The following ANKH variants were observed in gnomAD, a reference collection of about 807,000 sequenced individuals.
ANKH encodes mineralization regulator ANKH.
Under a neutral mutation model 49.0 loss-of-function variants are expected in ANKH, and 15 were observed. The ratio of observed to expected loss-of-function variants is 0.31; its 90% confidence interval spans 0.20 to 0.47. ANKH has a LOEUF of 0.47. Ranked by LOEUF, ANKH falls within the 20% of genes least tolerant of loss-of-function variation. The pLI is 1.00. For missense variants in ANKH, 429 were observed against 652.0 expected (o/e 0.66, Z 3.72); for synonymous variants, 273 against 260.0 (o/e 1.05, Z -0.48).
chr5:14,817,881 C>T (rs897765961), intron 1 of ANKH, among the ~76,000 whole-genome samples: 3 of 151,890 alleles, frequency 2.0e-5, no homozygotes, highest in Admixed American at 6.6e-5. Flanking sequence ...TTGGTCAACA[C>T]GGTAAAACCC....
In ANKH at chr5:14,847,428, C is replaced by T. The variant is rs181776353; in HGVS notation, c.96+23924G>A. On this transcript the variant is annotated intron_variant, in intron 1 of 11. Transcript: ENST00000284268. The stretch of plus-strand genomic sequence containing the variant: ...GAGAAAGGTTCCACTCGGAAATCGC[C>T]GGAACCTGCATGTTGCAGCAAAGAC... 2.3e-3 allele frequency among the ~76,000 whole-genome samples: 353 copies of T among 152,260 alleles called. 2 individuals are homozygous for T. The highest frequency in any genetic ancestry group is 8.1e-3 in the African/African-American group (337 of 41,546).
intron 8 of ANKH, 67 bp from the exon 9 acceptor site, chr5:14,716,902 G>A (rs1737487505): frequency 3.8e-6 from 6 of 1,590,672 alleles, no homozygotes; most frequent in Non-Finnish European, 5.2e-6. Flanking sequence ...AGCAGATCAG[G>A]TGTGGCACAA....
At chr5:14,832,789 A>T (rs1741541216) in intron 1 of ANKH, among the ~76,000 whole-genome samples, 1 of 152,244 alleles carries the variant, frequency 6.6e-6, no homozygotes, top group Admixed American at 6.5e-5. Context: ...AACAAGATTC[A>T]CAATGGGGAG....
At chr5:14,734,241 C>T (rs1260189479) in intron 8 of ANKH, among the ~76,000 whole-genome samples, 1 of 150,702 alleles carries the variant, frequency 6.6e-6, no homozygotes, top group Non-Finnish European at 1.5e-5. Context: ...TCATTTTTCC[C>T]CCCAAACCAC....
At chr5:14,746,340 G>C (rs1738542412) in intron 6 of ANKH, among the ~76,000 whole-genome samples, 1 of 149,970 alleles carries the variant, frequency 6.7e-6, no homozygotes. Flanking sequence ...AGGGAGACCA[G>C]AGTTTATTAT....
At chr5:14,808,679 A>G (rs556671068) in intron 1 of ANKH, among the ~76,000 whole-genome samples, 4 of 151,098 alleles carry the variant, frequency 2.6e-5, no homozygotes, top group South Asian at 2.1e-4. Flanking sequence ...AAAAGTTAGG[A>G]AACAACAGGT....
intron 1 of ANKH, among the ~76,000 whole-genome samples, chr5:14,808,490 T>C (rs1204500045): frequency 2.0e-5 from 3 of 152,260 alleles, no homozygotes; most frequent in African/African-American, 7.2e-5. Context: ...AAAGGCCAGG[T>C]GCAGTGGCTC....
chr5:14,841,430 G>A (rs539904575), intron 1 of ANKH, among the ~76,000 whole-genome samples: 23 of 152,110 alleles, frequency 1.5e-4, no homozygotes, highest in Middle Eastern at 3.4e-3. Context: ...CCAAGTAGCT[G>A]GGATTACAGG....
chr5:14,724,838 C>T (rs963829594), intron 8 of ANKH, among the ~76,000 whole-genome samples: 4 of 152,298 alleles, frequency 2.6e-5, no homozygotes, highest in Non-Finnish European at 4.4e-5. Flanking sequence ...AGGGCACTGC[C>T]AAGTGCTCGG....
At chr5:14,840,448 A>G (rs1044748847) in intron 1 of ANKH, among the ~76,000 whole-genome samples, 1 of 152,216 alleles carries the variant, frequency 6.6e-6, no homozygotes, top group African/African-American at 2.4e-5. Context: ...AAATAAAAAA[A>G]CACACATTAT....
chr5:14,721,050 A>G (rs757909258), intron 8 of ANKH, among the ~76,000 whole-genome samples: 16 of 152,206 alleles, frequency 1.1e-4, no homozygotes, highest in Admixed American at 6.5e-5. Context: ...GTGGGGGGTC[A>G]GCTTGAGGAC....
chr5:14,796,137 T>A (rs963026476), intron 1 of ANKH, among the ~76,000 whole-genome samples: 1 of 152,054 alleles, frequency 6.6e-6, no homozygotes, highest in African/African-American at 2.4e-5. Flanking sequence ...CTTGTTTTAT[T>A]GAGCTTCATT....
intron 1 of ANKH, among the ~76,000 whole-genome samples, chr5:14,833,524 T>A (rs1207301066): frequency 6.6e-6 from 1 of 152,204 alleles, no homozygotes; most frequent in African/African-American, 2.4e-5. Context: ...CCTCCCCCAG[T>A]CTGGGTATAT....
chr5:14,836,889 C>G lies in ANKH; in HGVS notation c.96+34463G>C, dbSNP rs568300230. Among the ~76,000 whole-genome samples the G allele has an allele frequency of 5.6e-3, 846 of 152,256 alleles. 8 individuals carry two copies. The highest frequency in any genetic ancestry group is 0.019 in the African/African-American group (788 of 41,538). On this transcript the variant is annotated intron_variant, in intron 1 of 11. Coordinates refer to ENST00000284268, the MANE Select transcript of ANKH (RefSeq NM_054027.6). ...AACTATACTACAAGGCTACAGTAAC[C>G]AAAACAGCATGATACTGGTACCAAA...
At chr5:14,762,904 A>G (rs966006033) in intron 2 of ANKH, among the ~76,000 whole-genome samples, 1 of 152,250 alleles carries the variant, frequency 6.6e-6, no homozygotes, top group Non-Finnish European at 1.5e-5. Context: ...AAAAAAAATT[A>G]AACAAGGTTT....
chr5:14,743,912 T>C (rs1738445752), intron 7 of ANKH, among the ~76,000 whole-genome samples: 1 of 152,250 alleles, frequency 6.6e-6, no homozygotes, highest in African/African-American at 2.4e-5. Flanking sequence ...TTAAATTTTA[T>C]GATTTCAAGG....
At chr5:14,821,495 G>A (rs140411306) in intron 1 of ANKH, among the ~76,000 whole-genome samples, 22 of 152,288 alleles carry the variant, frequency 1.4e-4, no homozygotes, top group Admixed American at 4.6e-4. Flanking sequence ...GACATGTTCC[G>A]GTTATGAATT....
intron 9 of ANKH, among the ~76,000 whole-genome samples, chr5:14,715,089 C>T (rs947281465): frequency 1.3e-5 from 2 of 152,222 alleles, no homozygotes; most frequent in East Asian, 1.9e-4. Flanking sequence ...GAGCAAGGGC[C>T]GTTCCATCAG....
rs1005991863 is a variant in ANKH, at chr5:14,709,572, G to A, written c.*1625C>T. The stretch of plus-strand genomic sequence containing the variant: ...AATATGATCACACAGCACTGAAAAC[G>A]GTAGACACAAAGGGCCTGCCTTTTT... On this transcript the variant is annotated 3_prime_UTR_variant, in exon 12 of 12. Coordinates refer to ENST00000284268, the MANE Select transcript of ANKH (RefSeq NM_054027.6). 5.9e-5 allele frequency: 9 copies of A among 152,144 alleles called. No homozygotes were observed. Among genetic ancestry groups the A allele is most frequent in the South Asian group, 2.1e-4 (1 of 4,822 alleles). 9.4% of individuals were successfully genotyped at this position (152,144 alleles called of 1,614,324 possible).
Sources: gnomAD v4.1 joint callset for allele counts (sites outside exome capture counted in the v4.1 genomes callset) on GRCh38, gnomAD v4.1.1 for gene constraint, MANE v1.5 for transcripts, NCBI Gene and HGNC (gene_info 2026-07-23, HGNC 2026-07-21) for gene names.